The following MAML3 variants were observed in gnomAD, a reference collection of about 807,000 sequenced individuals.
MAML3 encodes mastermind-like protein 3.
Under a neutral mutation model 101.9 loss-of-function variants are expected in MAML3, and 27 were observed. That is an observed-to-expected ratio of 0.27 (90% CI 0.20 to 0.37). The LOEUF is 0.37. Ranked by LOEUF, MAML3 falls within the 10% of genes least tolerant of loss-of-function variation. The probability of loss-of-function intolerance (pLI) is 1.00; values close to 1 mark genes in which losing one functional copy is unlikely to be tolerated. For missense variants in MAML3, 1,316 were observed against 1,444.9 expected, an observed-to-expected ratio of 0.91 and a Z score of 1.45; for synonymous variants, 501 against 555.9, an observed-to-expected ratio of 0.90 and a Z score of 1.39.
At chr4:139,800,766 T>G (rs1730590095) in intron 2 of MAML3, among the ~76,000 whole-genome samples, 1 of 152,232 alleles carries the variant, frequency 6.6e-6, no homozygotes, top group Non-Finnish European at 1.5e-5. Flanking sequence ...AAACAGCCAT[T>G]TGCCCAAAAT....
chr4:140,079,937 T>G (rs986666348), intron 1 of MAML3, among the ~76,000 whole-genome samples: 1 of 152,204 alleles, frequency 6.6e-6, no homozygotes, highest in Non-Finnish European at 1.5e-5. Context: ...ACAAACTTAC[T>G]CTCTAAAATT....
intron 1 of MAML3, chr4:140,128,028 C>CA (rs1307087549): frequency 6.6e-6 from 1 of 152,218 alleles, no homozygotes; most frequent in African/African-American, 2.4e-5. Context: ...GCCTCACAGA[C>CA]AGCATCCCAG....
chr4:140,062,908 G>A (rs1055197809), intron 1 of MAML3, among the ~76,000 whole-genome samples: 4 of 152,258 alleles, frequency 2.6e-5, no homozygotes, highest in African/African-American at 7.2e-5. Flanking sequence ...AATTCTGGTC[G>A]ATAAACACGT....
intron 2 of MAML3, among the ~76,000 whole-genome samples, chr4:139,775,175 C>T (rs1730069118): frequency 6.6e-6 from 1 of 152,178 alleles, no homozygotes; most frequent in Admixed American, 6.5e-5. Context: ...ACTCTTAATC[C>T]TATTTTCATT....
intron 1 of MAML3, among the ~76,000 whole-genome samples, chr4:139,986,185 G>T (rs1166247915): frequency 1.3e-5 from 2 of 152,084 alleles, no homozygotes; most frequent in South Asian, 4.2e-4. Context: ...TTGTGGACAG[G>T]GTCATCCCTT....
intron 1 of MAML3, among the ~76,000 whole-genome samples, chr4:140,124,735 T>C (rs73857936): frequency 0.05 from 7,612 of 152,294 alleles, 654 homozygotes; most frequent in African/African-American, 0.17. Context: ...GGCCCTCCTT[T>C]GCAGTCCTTT....
chr4:140,024,227 A>ATTTT (rs772311062), intron 1 of MAML3, among the ~76,000 whole-genome samples: 1 of 140,076 alleles, frequency 7.1e-6, no homozygotes, highest in African/African-American at 2.6e-5. Flanking sequence ...GGATTGATTG[A>ATTTT]TTTTTTTTTT....
chr4:139,784,306 T>C (rs1426783738), intron 2 of MAML3, among the ~76,000 whole-genome samples: 4 of 152,234 alleles, frequency 2.6e-5, no homozygotes, highest in Non-Finnish European at 5.9e-5. Flanking sequence ...TGAAGCATTT[T>C]AAGCAGAACA....
At chr4:140,128,666 A>G (rs1728728422) in intron 1 of MAML3, among the ~76,000 whole-genome samples, 1 of 152,188 alleles carries the variant, frequency 6.6e-6, no homozygotes, top group African/African-American at 2.4e-5. Flanking sequence ...GGTCCTCTAG[A>G]TGTGTGCTCA....
intron 1 of MAML3, among the ~76,000 whole-genome samples, chr4:140,102,405 C>T (rs1489877049): frequency 1.3e-5 from 2 of 152,246 alleles, no homozygotes; most frequent in East Asian, 3.9e-4. Flanking sequence ...GCTGGAAGTC[C>T]AAGATCAAGG....
intron 3 of MAML3, among the ~76,000 whole-genome samples, chr4:139,728,058 T>C (rs1728549068): frequency 6.6e-6 from 1 of 151,958 alleles, no homozygotes. Flanking sequence ...TCTACTAAAA[T>C]ACAAAAATTA....
At position 139,952,479 on chromosome 4, in the gene MAML3, T is replaced by C. The variant is rs79629416; in HGVS notation, c.469-61512A>G. 6.6e-3 allele frequency among the ~76,000 whole-genome samples: 1,004 copies of C among 152,246 alleles called. 10 individuals are homozygous for C. The highest frequency in any genetic ancestry group is 0.023 in the African/African-American group (954 of 41,522). ...AACTCTGCAGTTTATAGACCACACC[T>C]GGGGTGTAAAAATCCCTACCAACCT... is the stretch of plus-strand genomic sequence containing the variant. On this transcript the variant is annotated intron_variant, in intron 1 of 4. Transcript: ENST00000509479.
intron 2 of MAML3, among the ~76,000 whole-genome samples, chr4:139,764,383 G>A (rs2111057751): frequency 6.6e-6 from 1 of 152,364 alleles, no homozygotes; most frequent in African/African-American, 2.4e-5. Flanking sequence ...AAACAGCATG[G>A]ACAAGGGGAC....
At position 139,720,140 on chromosome 4, in the gene MAML3, CTGGTAGGCG is replaced by C. The variant is rs1488678533; in HGVS notation, c.2591_2599del (p.Thr864_Thr866del). 6.2e-7 allele frequency: 1 copy of C among 1,613,954 alleles called. No individual in the cohort carries two copies. The highest frequency in any genetic ancestry group is 1.3e-5 in the African/African-American group (1 of 74,950). ...GCTCATATTGTACATTCCTGGTTGG[CTGGTAGGCG>C]TGGTGCTATAAGGGGCCAGTCCCAT... On this transcript the variant is annotated inframe_deletion, in exon 5 of 5. Transcript: ENST00000509479.
At position 139,825,146 on chromosome 4, in the gene MAML3, A is replaced by C. The variant is rs867235824; in HGVS notation, c.2079+64211T>G. ...TTGGGGTAGAAGACAGTGGCTTCAG[A>C]GCAATTCAATGCAAGCCCTTCCCTC... On this transcript the variant is annotated intron_variant, in intron 2 of 4. Transcript: ENST00000509479. Among the ~76,000 whole-genome samples the C allele has an allele frequency of 3.9e-5, 6 of 152,218 alleles. No individual in the cohort carries two copies. In the Middle Eastern group the frequency reaches 0.014, roughly 345 times the overall value.
chr4:139,826,539 T>C (rs769026195), intron 2 of MAML3, among the ~76,000 whole-genome samples: 8 of 152,170 alleles, frequency 5.3e-5, no homozygotes, highest in Non-Finnish European at 1.0e-4. Context: ...GACACAATTG[T>C]GGACAATCAA....
At chr4:139,791,653 T>C (rs532359220) in intron 2 of MAML3, among the ~76,000 whole-genome samples, 56 of 152,256 alleles carry the variant, frequency 3.7e-4, no homozygotes, top group African/African-American at 1.3e-3. Flanking sequence ...CTTTTCAAGA[T>C]AGTAGTCAAA....
chr4:140,083,285 C>T (rs1352361454), intron 1 of MAML3, among the ~76,000 whole-genome samples: 3 of 152,148 alleles, frequency 2.0e-5, no homozygotes, highest in Admixed American at 6.5e-5. Flanking sequence ...CCCCACATTG[C>T]CCACTCCTCT....
At chr4:140,047,885 C>A (rs970728398) in intron 1 of MAML3, among the ~76,000 whole-genome samples, 3 of 151,964 alleles carry the variant, frequency 2.0e-5, no homozygotes, top group African/African-American at 4.8e-5. Flanking sequence ...TCAGCGCTGG[C>A]GGCAATGGCC....
Sources: allele counts gnomAD v4.1 joint callset (sites outside exome capture counted in the v4.1 genomes callset), GRCh38; gene constraint gnomAD v4.1.1; transcripts MANE v1.5; gene names NCBI Gene and HGNC (gene_info 2026-07-23, HGNC 2026-07-21).